PBX3: variants seen among roughly 807,000 people sequenced by gnomAD.
PBX3 encodes PBX homeobox 3, also known as pre-B-cell leukemia transcription factor 3.
A neutral mutation model predicts 48.5 loss-of-function variants in PBX3; 14 were observed. The observed-to-expected ratio is 0.29, with a 90% CI of 0.19 to 0.45. The LOEUF (loss-of-function observed/expected upper bound fraction) is 0.45, where lower values mean the gene tolerates loss of function less well. Ranked by LOEUF, PBX3 falls within the 20% of genes least tolerant of loss-of-function variation. The probability of loss-of-function intolerance (pLI) is 1.00; values close to 1 mark genes in which losing one functional copy is unlikely to be tolerated. For missense variants in PBX3, 386 were observed against 546.7 expected (o/e 0.71, Z 2.93); for synonymous variants, 210 against 200.3 (o/e 1.05, Z -0.41).
intron 5 of PBX3, chr9:125,949,329 A>C (rs1310884902): frequency 2.6e-6 from 4 of 1,549,588 alleles, no homozygotes; most frequent in African/African-American, 1.4e-5. Flanking sequence ...ATGTTCATTA[A>C]ATGCCAGTTG....
At chr9:125,851,870 C>CTTTTTTT (rs1164910184) in intron 2 of PBX3, among the ~76,000 whole-genome samples, 1 of 121,458 alleles carries the variant, frequency 8.2e-6, no homozygotes, top group African/African-American at 3.0e-5. Flanking sequence ...ATTTTTGCTG[C>CTTTTTTT]TTTTTTTTTT....
intron 2 of PBX3, among the ~76,000 whole-genome samples, chr9:125,827,854 G>A (rs1282053873): frequency 6.6e-6 from 1 of 152,160 alleles, no homozygotes; most frequent in Non-Finnish European, 1.5e-5. Flanking sequence ...GGTTTATAGA[G>A]TATGTGTATA....
chr9:125,916,478 C>G lies in PBX3; in HGVS notation c.516+551C>G, dbSNP rs188030776. ...TATGGGTACCCCAGGACAGGGAATG[C>G]TAGGCAAGGCATTATGTGCTAAATT... On this transcript the variant is annotated intron_variant, in intron 3 of 8. Transcript: ENST00000373489. Among the ~76,000 whole-genome samples the G allele has an allele frequency of 3.5e-4, 54 of 152,206 alleles. No individual in the cohort carries two copies. The East Asian group carries it at 9.5e-3, about 27-fold the overall frequency.
chr9:125,879,249 T>C (rs960499077), intron 2 of PBX3, among the ~76,000 whole-genome samples: 1 of 152,034 alleles, frequency 6.6e-6, no homozygotes, highest in African/African-American at 2.4e-5. Flanking sequence ...GGCTAATTTT[T>C]GTATTTTGTA....
intron 2 of PBX3, among the ~76,000 whole-genome samples, chr9:125,760,383 T>C (rs1385143513): frequency 1.3e-5 from 2 of 152,116 alleles, no homozygotes; most frequent in African/African-American, 2.4e-5. Flanking sequence ...GAAAATACTG[T>C]TTGTGTATTT....
At chr9:125,934,929 T>C (rs975121572) in intron 4 of PBX3, among the ~76,000 whole-genome samples, 11 of 152,228 alleles carry the variant, frequency 7.2e-5, no homozygotes, top group African/African-American at 2.4e-4. Context: ...GCAGTCAGAA[T>C]GATCTTTTAA....
rs1396017682 is a variant in PBX3, at chr9:125,899,238, A to T, written c.275-16448A>T. On this transcript the variant is annotated intron_variant, in intron 2 of 8. Transcript: ENST00000373489. ...ACATATGTATATATATTTATATATA[A>T]ATATACATATGTATATATATTTATA... is the stretch of plus-strand genomic sequence containing the variant. 7.1e-4 allele frequency among the ~76,000 whole-genome samples: 93 copies of T among 130,386 alleles called. 1 individual carries two copies. The highest frequency in any genetic ancestry group is 1.1e-3 in the Non-Finnish European group (66 of 59,286). 85.5% of individuals were successfully genotyped at this position (130,386 alleles called of 152,430 possible).
At chr9:125,790,717 C>T (rs10819068) in intron 2 of PBX3, among the ~76,000 whole-genome samples, 3,051 of 152,128 alleles carry the variant, frequency 0.02, 172 homozygotes, top group East Asian at 0.17. Context: ...TGCAGTTGTG[C>T]ACCATCATGC....
chr9:125,792,123 CT>C (rs1837632161), intron 2 of PBX3, among the ~76,000 whole-genome samples: 1 of 151,866 alleles, frequency 6.6e-6, no homozygotes, highest in Non-Finnish European at 1.5e-5. Context: ...TCTGTAGACT[CT>C]TATACTAGAA....
Position 125,908,928 on chromosome 9 carries a change from A to G in PBX3, c.275-6758A>G, listed in dbSNP as rs78068416. Among the ~76,000 whole-genome samples the G allele has an allele frequency of 6.1e-3, 925 of 152,162 alleles. 13 individuals are homozygous for G. The highest frequency in any genetic ancestry group is 0.022 in the African/African-American group (899 of 41,512). On this transcript the variant is annotated intron_variant, in intron 2 of 8. Transcript: ENST00000373489. Reference sequence around the variant, plus strand: ...AGAGCACAGGTAACCCTTTGTGCTAATATGTGTGAGAAACATGGCCCGTTT... The same window carrying G: ...AGAGCACAGGTAACCCTTTGTGCTAGTATGTGTGAGAAACATGGCCCGTTT...
intron 2 of PBX3, among the ~76,000 whole-genome samples, chr9:125,749,915 GT>G (rs1250294872): frequency 1.3e-5 from 2 of 152,112 alleles, no homozygotes; most frequent in Non-Finnish European, 2.9e-5. Flanking sequence ...ACTTTTCCTG[GT>G]TTTCATTCAC....
chr9:125,788,107 C>T (rs1837505587), intron 2 of PBX3, among the ~76,000 whole-genome samples: 1 of 152,174 alleles, frequency 6.6e-6, no homozygotes, highest in African/African-American at 2.4e-5. Context: ...TAATAACCAA[C>T]AGTGGATGCT....
At chr9:125,958,613 C>T (rs1009448867) in intron 5 of PBX3, among the ~76,000 whole-genome samples, 2 of 152,178 alleles carry the variant, frequency 1.3e-5, no homozygotes, top group Non-Finnish European at 2.9e-5. Context: ...GTGAGTACCA[C>T]ATCTCTGGAG....
intron 3 of PBX3, among the ~76,000 whole-genome samples, chr9:125,929,191 C>G (rs1288296199): frequency 6.6e-6 from 1 of 152,112 alleles, no homozygotes; most frequent in Non-Finnish European, 1.5e-5. Context: ...TACATTTTTT[C>G]TCACCAAAGG....
At position 125,963,131 on chromosome 9, in the gene PBX3, G is replaced by C. The variant is rs775995612; in HGVS notation, c.1212+30G>C. 8.8e-6 allele frequency: 11 copies of C among 1,251,852 alleles called. No individual in the cohort carries two copies. The Admixed American group carries it at 1.1e-4, about 12-fold the overall frequency. The allele number at this position is 1,251,852 out of a possible 1,614,324, so 77.5% of individuals were successfully genotyped here. A position where few individuals can be genotyped will look rare whatever the true frequency, so the allele number is the denominator to read the frequency against. ...GTACTCTGGGGAGTCAGCTGTAGGA[G>C]AACAGTGTCAGGTAAACAGTGACTA... is the stretch of plus-strand genomic sequence containing the variant. On this transcript the variant is annotated intron_variant, in intron 8 of 8. Coordinates refer to ENST00000373489, the MANE Select transcript of PBX3 (RefSeq NM_006195.6).
At chr9:125,793,630 A>G (rs1349058606) in intron 2 of PBX3, among the ~76,000 whole-genome samples, 3 of 151,728 alleles carry the variant, frequency 2.0e-5, no homozygotes, top group Middle Eastern at 3.4e-3. Context: ...GGGTTTCACC[A>G]TTTTGGCCAG....
chr9:125,831,531 T>C (rs182909507), intron 2 of PBX3, among the ~76,000 whole-genome samples: 177 of 152,234 alleles, frequency 1.2e-3, no homozygotes, highest in African/African-American at 4.1e-3. Flanking sequence ...TCACTAGGGC[T>C]ATTTGGTTAC....
intron 2 of PBX3, among the ~76,000 whole-genome samples, chr9:125,796,186 G>A (rs1837773856): frequency 6.6e-6 from 1 of 152,168 alleles, no homozygotes; most frequent in Admixed American, 6.6e-5. Context: ...ACTGCCCAGG[G>A]TTAAAGTCCA....
intron 2 of PBX3, among the ~76,000 whole-genome samples, chr9:125,829,732 G>A (rs1209204193): frequency 2.6e-5 from 4 of 152,138 alleles, no homozygotes; most frequent in East Asian, 1.9e-4. Context: ...AAGAAGAGAA[G>A]CAAAATAATT....
Sources: allele counts gnomAD v4.1 joint callset (sites outside exome capture counted in the v4.1 genomes callset), GRCh38; gene constraint gnomAD v4.1.1; transcripts MANE v1.5; gene names NCBI Gene and HGNC (gene_info 2026-07-23, HGNC 2026-07-21).